The following PSD3 variants were observed in gnomAD, a reference collection of about 807,000 sequenced individuals.
PSD3 encodes the protein pleckstrin and Sec7 domain containing 3, also known as PH and SEC7 domain-containing protein 3.
A neutral mutation model predicts 105.5 loss-of-function variants in PSD3; 49 were observed. That is an observed-to-expected ratio of 0.46 (90% CI 0.37 to 0.59). The LOEUF (loss-of-function observed/expected upper bound fraction) is 0.59, where lower values mean the gene tolerates loss of function less well. Among genes scored for constraint, PSD3 ranks in the 20% least tolerant of loss-of-function variants. The pLI is 0.00. For synonymous variants in PSD3, 557 were observed against 457.8 expected (o/e 1.22, Z -2.77); for missense variants, 1,561 against 1,263.8 (o/e 1.24, Z -3.57).
chr8:18,705,400 G>T (rs1014482846), intron 9 of PSD3, among the ~76,000 whole-genome samples: 1 of 151,766 alleles, frequency 6.6e-6, no homozygotes, highest in Non-Finnish European at 1.5e-5. Flanking sequence ...GTGTGGTGTC[G>T]TGTGCCTGTA....
chr8:18,657,666 A>T (rs573549532), intron 9 of PSD3, among the ~76,000 whole-genome samples: 2 of 152,040 alleles, frequency 1.3e-5, no homozygotes, highest in South Asian at 4.2e-4. Flanking sequence ...AGAGAGTTGA[A>T]AACTGGCTCA....
chr8:18,923,663 A>G (rs991674164), intron 2 of PSD3, among the ~76,000 whole-genome samples: 1 of 152,232 alleles, frequency 6.6e-6, no homozygotes, highest in Non-Finnish European at 1.5e-5. Flanking sequence ...GGTGTGCAGT[A>G]GGTATACTAT....
chr8:18,919,743 C>A (rs147548788), intron 2 of PSD3, among the ~76,000 whole-genome samples: 218 of 150,848 alleles, frequency 1.4e-3, no homozygotes, highest in African/African-American at 4.9e-3. Flanking sequence ...AGTAAACTAT[C>A]GCAATAATAA....
At chr8:18,605,957 G>A (rs546403515) in intron 11 of PSD3, among the ~76,000 whole-genome samples, 1 of 152,246 alleles carries the variant, frequency 6.6e-6, no homozygotes, top group Non-Finnish European at 1.5e-5. Context: ...TGTATAGCCT[G>A]TGGATCTGTG....
chr8:18,619,734 A>G (rs1805967438), intron 11 of PSD3, among the ~76,000 whole-genome samples: 1 of 152,108 alleles, frequency 6.6e-6, no homozygotes, highest in African/African-American at 2.4e-5. Context: ...ATGGATTTTT[A>G]TTAACCTGGT....
chr8:18,874,139 T>C (rs1817573386), intron 2 of PSD3, among the ~76,000 whole-genome samples: 1 of 151,748 alleles, frequency 6.6e-6, no homozygotes, highest in Admixed American at 6.6e-5. Flanking sequence ...ACATTAGTTG[T>C]TACCATTTTT....
intron 6 of PSD3, chr8:18,802,381 AATCATTCAAAATGTCTAAGAAATCTTAC>A (rs1810777164): frequency 2.4e-6 from 1 of 423,652 alleles, no homozygotes; most frequent in Non-Finnish European, 4.8e-6. Context: ...GGAAAAAAAA[AATCATTCAAAATGTCTAAGAAATCTTAC>A]TATGGTAAAA....
intron 9 of PSD3, among the ~76,000 whole-genome samples, chr8:18,745,812 T>G (rs1319377298): frequency 6.6e-6 from 1 of 152,202 alleles, no homozygotes; most frequent in African/African-American, 2.4e-5. Flanking sequence ...AAATTACAAG[T>G]TCATATGAAT....
In PSD3 at chr8:18,727,267, G is replaced by A. The variant is rs1366877635; in HGVS notation, c.2172+38182C>T. Reference sequence around the variant, plus strand: ...CAGGAGAATCGATTGAACCTGGGAGGCGGAGGTTGCAGTGAGCCGAGATCG... The same window carrying A: ...CAGGAGAATCGATTGAACCTGGGAGACGGAGGTTGCAGTGAGCCGAGATCG... On this transcript the variant is annotated intron_variant, in intron 9 of 15. Transcript: ENST00000327040. Among the ~76,000 whole-genome samples the A allele has an allele frequency of 6.6e-5, 10 of 150,566 alleles. No individual in the cohort carries two copies. The East Asian group carries it at 7.9e-4, about 12-fold the overall frequency.
intron 8 of PSD3, among the ~76,000 whole-genome samples, chr8:18,774,310 T>C (rs145314754): frequency 5.6e-4 from 85 of 152,326 alleles, no homozygotes; most frequent in African/African-American, 1.9e-3. Context: ...ATATATCGTA[T>C]AATGATCAGA....
intron 9 of PSD3, among the ~76,000 whole-genome samples, chr8:18,671,943 T>C (rs1048407856): frequency 1.3e-5 from 2 of 152,292 alleles, no homozygotes; most frequent in African/African-American, 2.4e-5. Context: ...ATTTTGTTTT[T>C]AACTTTTATA....
intron 1 of PSD3, among the ~76,000 whole-genome samples, chr8:18,957,918 C>T (rs74829276): frequency 0.12 from 17,698 of 152,176 alleles, 1,296 homozygotes; most frequent in Non-Finnish European, 0.17. Flanking sequence ...CCACAGCACG[C>T]TCATACACTG....
In PSD3 at chr8:18,871,865, G is replaced by C. The variant is rs772226951; in HGVS notation, c.999C>G (p.Asp333Glu). The part of the protein sequence containing the change: ...ETSLQRTASP[D>E]SKESSKVPRH... ...GTGGCACTTTGGAAGACTCTTTGCT[G>C]TCAGGAGAGGCTGTTCTTTGCAGTG... Residue 333 changes from aspartate to glutamate, a missense_variant, in exon 3 of 16, where the codon GAC becomes GAG. By Grantham distance (45) the Asp-to-Glu change is conservative (BLOSUM62 2). Coordinates refer to ENST00000327040, the MANE Select transcript of PSD3 (RefSeq NM_015310.4). The C allele has an allele frequency of 1.2e-6, 2 of 1,614,106 alleles. No homozygotes were observed. The highest frequency in any genetic ancestry group is 1.7e-6 in the Non-Finnish European group (2 of 1,180,042).
At chr8:18,847,959 A>G (rs998926338) in intron 4 of PSD3, among the ~76,000 whole-genome samples, 6 of 152,212 alleles carry the variant, frequency 3.9e-5, no homozygotes, top group Non-Finnish European at 2.9e-5. Context: ...TCAGGGAAGA[A>G]AAAGACCCAT....
intron 2 of PSD3, among the ~76,000 whole-genome samples, chr8:18,879,197 G>A (rs1184706874): frequency 6.6e-6 from 1 of 152,058 alleles, no homozygotes; most frequent in East Asian, 1.9e-4. Context: ...TCATTGAAAT[G>A]TCCCTCAGAA....
intron 1 of PSD3, among the ~76,000 whole-genome samples, chr8:19,009,534 T>C (rs960150289): frequency 4.0e-5 from 6 of 150,264 alleles, no homozygotes; most frequent in Admixed American, 3.3e-4. Context: ...CAATAAACAT[T>C]AGCTGTGATT....
intron 15 of PSD3, among the ~76,000 whole-genome samples, chr8:18,539,928 A>T (rs1467719104): frequency 6.6e-6 from 1 of 152,168 alleles, no homozygotes; most frequent in Non-Finnish European, 1.5e-5. Context: ...TCATGGACCC[A>T]AGAAGCTCAT....
intron 9 of PSD3, among the ~76,000 whole-genome samples, chr8:18,675,655 C>T (rs145913310): frequency 1.8e-4 from 27 of 152,054 alleles, no homozygotes; most frequent in African/African-American, 5.5e-4. Flanking sequence ...TCTACGTGTC[C>T]AAACAGGTAC....
intron 9 of PSD3, among the ~76,000 whole-genome samples, chr8:18,696,224 C>T (rs1308742631): frequency 6.6e-6 from 1 of 152,238 alleles, no homozygotes; most frequent in Non-Finnish European, 1.5e-5. Context: ...TCTGCCCAAT[C>T]CTGCTTCCTT....
Sources: gnomAD v4.1 joint callset for allele counts (sites outside exome capture counted in the v4.1 genomes callset) on GRCh38, gnomAD v4.1.1 for gene constraint, MANE v1.5 for transcripts, NCBI Gene and HGNC (gene_info 2026-07-23, HGNC 2026-07-21) for gene names.